LHCGR: variants seen among roughly 807,000 people sequenced by gnomAD.
The protein encoded by LHCGR is luteinizing hormone/choriogonadotropin receptor, also known as lutropin-choriogonadotropic hormone receptor.
LHCGR carries 55 observed loss-of-function variants against 60.7 expected under a neutral mutation model. The observed-to-expected ratio is 0.91, with a 90% CI of 0.73 to 1.13. The LOEUF is 1.13. Ranked by LOEUF, LHCGR falls within the 50% of genes most tolerant of loss-of-function variation. LHCGR has a pLI of 0.00. For synonymous variants in LHCGR, 337 were observed against 316.5 expected, an observed-to-expected ratio of 1.06 and a Z score of -0.69; for missense variants, 862 against 836.0, an observed-to-expected ratio of 1.03 and a Z score of -0.38.
intron 6 of LHCGR, among the ~76,000 whole-genome samples, chr2:48,715,553 A>G (rs1668209559): frequency 6.6e-6 from 1 of 152,168 alleles, no homozygotes; most frequent in Admixed American, 6.5e-5. Context: ...TGGTTCAGAA[A>G]CATGCTTCAC....
intron 8 of LHCGR, among the ~76,000 whole-genome samples, chr2:48,706,984 GA>G (rs1667715261): frequency 6.6e-6 from 1 of 152,136 alleles, no homozygotes; most frequent in South Asian, 2.1e-4. Context: ...CTGGTTTTTG[GA>G]ATTTTCAGCC....
intron 6 of LHCGR, among the ~76,000 whole-genome samples, chr2:48,716,018 C>T (rs534869277): frequency 9.2e-5 from 14 of 152,280 alleles, no homozygotes; most frequent in Admixed American, 5.2e-4. Context: ...CATATGCTTT[C>T]TTCTGAGATT....
intron 9 of LHCGR, among the ~76,000 whole-genome samples, chr2:48,695,268 C>A (rs1021125832): frequency 6.6e-6 from 1 of 152,098 alleles, no homozygotes; most frequent in African/African-American, 2.4e-5. Context: ...TTGATAGTTT[C>A]TTTTGCCGTG....
At chr2:48,701,537 T>G (rs868095085) in intron 8 of LHCGR, among the ~76,000 whole-genome samples, 19 of 152,202 alleles carry the variant, frequency 1.2e-4, no homozygotes, top group Admixed American at 1.0e-3. Flanking sequence ...CCTTTAGGTG[T>G]TCGTTCAAAC....
chr2:48,698,848 T>G (rs1234719953), intron 8 of LHCGR, 48 bp from the exon 9 acceptor site: 2 of 776 alleles, frequency 2.6e-3, no homozygotes, highest in African/African-American at 0.053. Flanking sequence ...ATTTTATACA[T>G]TTTTTTTTTT....
chr2:48,725,986 A>G (rs1668702045), intron 3 of LHCGR, among the ~76,000 whole-genome samples: 1 of 152,096 alleles, frequency 6.6e-6, no homozygotes, highest in Admixed American at 6.5e-5. Context: ...GGGTATAAGG[A>G]TCAGAGCAGG....
intron 8 of LHCGR, among the ~76,000 whole-genome samples, chr2:48,704,778 C>G (rs1239291917): frequency 6.6e-6 from 1 of 152,112 alleles, no homozygotes; most frequent in South Asian, 2.1e-4. Flanking sequence ...ATTCTTCTCT[C>G]TTTTCTTCTT....
chr2:48,712,860 A>G (rs1224373164), intron 7 of LHCGR, among the ~76,000 whole-genome samples: 2 of 152,202 alleles, frequency 1.3e-5, no homozygotes, highest in East Asian at 3.8e-4. Flanking sequence ...GCTGTTAAAT[A>G]GTGGGACTGG....
chr2:48,691,232 AAGTGCATACCTAGTTC>A (rs1680216205), intron 10 of LHCGR, among the ~76,000 whole-genome samples: 1 of 152,288 alleles, frequency 6.6e-6, no homozygotes, highest in African/African-American at 2.4e-5. Flanking sequence ...TTTGTATTTT[AAGTGCATACCTAGTTC>A]AGTGAGTGGA....
chr2:48,736,490 C>T (rs112585698), intron 1 of LHCGR, among the ~76,000 whole-genome samples: 2,187 of 152,254 alleles, frequency 0.014, 67 homozygotes, highest in African/African-American at 0.05. Flanking sequence ...AAGAAGATAA[C>T]GCCACCTTAT....
intron 7 of LHCGR, 27 bp from the exon 8 acceptor site, chr2:48,709,049 G>A (rs559254151): frequency 8.5e-5 from 135 of 1,581,986 alleles, no homozygotes; most frequent in Non-Finnish European, 1.1e-4. Flanking sequence ...TGCCCTTAGT[G>A]GAGTTTGTAC....
Position 48,689,738 on chromosome 2 carries a change from C to T in LHCGR, c.948-889G>A, listed in dbSNP as rs142550195. ...CTCTCTCTCTCTTTTTTTTTTGAGA[C>T]GGAGTCTTGCTCTGTCACCAGGCTG... On this transcript the variant is annotated intron_variant, in intron 10 of 10. Coordinates refer to ENST00000294954, the MANE Select transcript of LHCGR (RefSeq NM_000233.4). Among the ~76,000 whole-genome samples the T allele has an allele frequency of 4.3e-3, 657 of 151,504 alleles. 3 individuals carry two copies. Among genetic ancestry groups the T allele is most frequent in the Middle Eastern group, 6.8e-3 (2 of 294 alleles).
chr2:48,694,315 A>C lies in LHCGR; in HGVS notation c.867-11T>G, dbSNP rs199964116. On this transcript the variant is annotated splice_polypyrimidine_tract_variant and intron_variant, in intron 9 of 10. Coordinates refer to ENST00000294954, the MANE Select transcript of LHCGR (RefSeq NM_000233.4). ...TGTGAAAAATTCTGTCTGAAAGAGA[A>C]GAGGTTAAAAAAAGCATTTGAGCTT... 35 of 1,566,356 alleles carry C rather than the reference A, an allele frequency of 2.2e-5. No homozygotes were observed. The highest frequency in any genetic ancestry group is 2.6e-5 in the Non-Finnish European group (30 of 1,141,244).
chr2:48,752,981 C>CGGGGGGGGGGGG (rs60837194), intron 1 of LHCGR, among the ~76,000 whole-genome samples: 3 of 7,620 alleles, frequency 3.9e-4, no homozygotes, highest in African/African-American at 8.2e-4. Context: ...CGGATTTTGG[C>CGGGGGGGGGGGG]GGGGGGGGGG....
At chr2:48,706,041 C>T (rs552320305) in intron 8 of LHCGR, among the ~76,000 whole-genome samples, 2 of 152,272 alleles carry the variant, frequency 1.3e-5, no homozygotes, top group South Asian at 2.1e-4. Flanking sequence ...CTGGTTGTTC[C>T]TTTCCATGTT....
chr2:48,708,828 CT>C, intron 8 of LHCGR, 119 bp downstream of exon 8: 1 of 828,442 alleles, frequency 1.2e-6, no homozygotes, highest in Non-Finnish European at 2.1e-6. Flanking sequence ...CAACAGCAGC[CT>C]TTTCAGGTGT....
rs569594133 is a variant in LHCGR, at chr2:48,696,100, G to A, written c.867-1796C>T. On this transcript the variant is annotated intron_variant, in intron 9 of 10. Coordinates refer to ENST00000294954, the MANE Select transcript of LHCGR (RefSeq NM_000233.4). ...TTCATAATTACAAATGCCCCTGATT[G>A]TCTCTTATTTCTTCTCTCCTCATAT... 3.3e-5 allele frequency among the ~76,000 whole-genome samples: 5 copies of A among 151,962 alleles called. No individual in the cohort carries two copies. In the South Asian group the frequency reaches 8.3e-4, roughly 25 times the overall value.
intron 7 of LHCGR, among the ~76,000 whole-genome samples, chr2:48,712,579 G>A (rs1668047235): frequency 6.6e-6 from 1 of 151,930 alleles, no homozygotes; most frequent in South Asian, 2.1e-4. Context: ...CCCATGATAG[G>A]AGAACAACTT....
intron 1 of LHCGR, among the ~76,000 whole-genome samples, chr2:48,732,299 G>A (rs1320315193): frequency 6.6e-6 from 1 of 152,218 alleles, no homozygotes; most frequent in African/African-American, 2.4e-5. Flanking sequence ...GAGTATGTGA[G>A]TATCAGGAAT....
Sources: gnomAD v4.1 joint callset for allele counts (sites outside exome capture counted in the v4.1 genomes callset) on GRCh38, gnomAD v4.1.1 for gene constraint, MANE v1.5 for transcripts, NCBI Gene and HGNC (gene_info 2026-07-23, HGNC 2026-07-21) for gene names.